The following ETNK1 variants were observed in gnomAD, a reference collection of about 807,000 sequenced individuals.
ETNK1 encodes the protein ethanolamine kinase 1.
ETNK1 carries 8 observed loss-of-function variants against 45.1 expected under a neutral mutation model. The observed-to-expected ratio is 0.18, with a 90% confidence interval of 0.10 to 0.32. The LOEUF is 0.32. Among genes scored for constraint, ETNK1 ranks in the 10% least tolerant of loss-of-function variants. The probability of loss-of-function intolerance (pLI) is 1.00; values close to 1 mark genes in which losing one functional copy is unlikely to be tolerated. For missense variants in ETNK1, 302 were observed against 430.6 expected (o/e 0.70, Z 2.64); for synonymous variants, 152 against 151.9 (o/e 1.00, Z -0.01).
intron 1 of ETNK1, among the ~76,000 whole-genome samples, chr12:22,628,931 A>G (rs1364136254): frequency 6.6e-6 from 1 of 152,142 alleles, no homozygotes; most frequent in Non-Finnish European, 1.5e-5. Flanking sequence ...AGTGTGTTAC[A>G]GTGCTCAAGA....
chr12:22,656,850 T>G, intron 2 of ETNK1: 1 of 946,976 alleles, frequency 1.1e-6, no homozygotes. Flanking sequence ...AATCATCTGT[T>G]TCATTTCAGT....
chr12:22,674,185 C>G (rs1954138343), intron 6 of ETNK1, among the ~76,000 whole-genome samples: 1 of 152,004 alleles, frequency 6.6e-6, no homozygotes, highest in East Asian at 1.9e-4. Flanking sequence ...TTATTAAGAC[C>G]TACTTCTCTT....
At chr12:22,655,656 A>G (rs963567403) in intron 2 of ETNK1, among the ~76,000 whole-genome samples, 2 of 148,722 alleles carry the variant, frequency 1.3e-5, no homozygotes, top group African/African-American at 4.9e-5. Context: ...TTTGTATATG[A>G]ATCTGTATGT....
At chr12:22,673,975 A>C (rs1460261811) in intron 6 of ETNK1, among the ~76,000 whole-genome samples, 1 of 152,158 alleles carries the variant, frequency 6.6e-6, no homozygotes, top group Non-Finnish European at 1.5e-5. Flanking sequence ...TTCTTAGTCT[A>C]TTCCTTTCTT....
At chr12:22,658,953 C>G in intron 2 of ETNK1, 61 bp from the exon 3 acceptor site, 1 of 1,518,754 alleles carries the variant, frequency 6.6e-7, no homozygotes, top group South Asian at 1.2e-5. Flanking sequence ...GAATCTTTGT[C>G]AGGAGACATG....
chr12:22,640,991 A>G (rs1024766559), intron 1 of ETNK1, among the ~76,000 whole-genome samples: 3 of 152,184 alleles, frequency 2.0e-5, no homozygotes, highest in Non-Finnish European at 4.4e-5. Flanking sequence ...GTATTTTAAT[A>G]GTATATTTTA....
At chr12:22,632,221 G>A (rs995562293) in intron 1 of ETNK1, among the ~76,000 whole-genome samples, 97 of 151,828 alleles carry the variant, frequency 6.4e-4, no homozygotes, top group African/African-American at 2.1e-3. Context: ...TTACTAAAAG[G>A]TTGTACCACA....
chr12:22,671,263 C>T lies in ETNK1; in HGVS notation c.701-9C>T, dbSNP rs1450273704. ...TTTCTTAATGTCTTTGTTTTTGTGT[C>T]TCACATAGGTGATGTACAGTTCATT... On this transcript the variant is annotated splice_polypyrimidine_tract_variant and intron_variant, in intron 4 of 7. Transcript: ENST00000266517. 6.4e-7 allele frequency: 1 copy of T among 1,572,718 alleles called. No homozygotes were observed.
intron 6 of ETNK1, among the ~76,000 whole-genome samples, chr12:22,679,909 TTCGAACTCC>T (rs1441115449): frequency 2.0e-5 from 3 of 152,022 alleles, no homozygotes; most frequent in Non-Finnish European, 4.4e-5. Context: ...CTAGGCTGGT[TTCGAACTCC>T]TGACCTCAAA....
Position 22,625,239 on chromosome 12 carries a change from GCTGT to G in ETNK1, c.-190_-187del. The G allele has an allele frequency of 6.2e-7, 1 of 1,612,030 alleles. No homozygotes were observed. Among genetic ancestry groups the G allele is most frequent in the Non-Finnish European group, 8.5e-7 (1 of 1,179,568 alleles). Reference sequence around the variant, plus strand: ...AGAGCGGGCCGGGCTCAGTTCAGCTGCTGTCCAGACCCGGATCGGCAACAGTGCC... The same window carrying G: ...AGAGCGGGCCGGGCTCAGTTCAGCTGCCAGACCCGGATCGGCAACAGTGCC... On this transcript the variant is annotated 5_prime_UTR_variant, in exon 1 of 8. Transcript: ENST00000266517.
At chr12:22,664,524 A>G (rs1050164067) in intron 4 of ETNK1, among the ~76,000 whole-genome samples, 1 of 152,112 alleles carries the variant, frequency 6.6e-6, no homozygotes. Flanking sequence ...GCATTTTTAC[A>G]TGTGAATGTT....
At chr12:22,635,819 C>T (rs945998195) in intron 1 of ETNK1, among the ~76,000 whole-genome samples, 1 of 152,096 alleles carries the variant, frequency 6.6e-6, no homozygotes, top group African/African-American at 2.4e-5. Flanking sequence ...AAGTGATTTT[C>T]ATCCTTTGAT....
chr12:22,631,822 A>G (rs1347891699), intron 1 of ETNK1, among the ~76,000 whole-genome samples: 1 of 152,128 alleles, frequency 6.6e-6, no homozygotes, highest in Non-Finnish European at 1.5e-5. Context: ...CAGAGGTTCT[A>G]TTTCTCTTTA....
chr12:22,660,204 T>C (rs917099920), intron 3 of ETNK1, among the ~76,000 whole-genome samples: 1 of 152,088 alleles, frequency 6.6e-6, no homozygotes, highest in African/African-American at 2.4e-5. Flanking sequence ...AAAGAATCTG[T>C]ATTATACTGT....
chr12:22,669,748 T>C (rs986070812), intron 4 of ETNK1, among the ~76,000 whole-genome samples: 1 of 152,034 alleles, frequency 6.6e-6, no homozygotes, highest in African/African-American at 2.4e-5. Context: ...GGCAGGAGGA[T>C]CACTTCAGGC....
At chr12:22,638,022 C>CTATT (rs921906522) in intron 1 of ETNK1, among the ~76,000 whole-genome samples, 9 of 151,114 alleles carry the variant, frequency 6.0e-5, no homozygotes, top group African/African-American at 2.2e-4. Context: ...AGGGGGAGGT[C>CTATT]TATTGTTGAT....
chr12:22,654,726 A>ATTC lies in ETNK1; in HGVS notation c.417-4286_417-4285insCTT, dbSNP rs1373099773. Among the ~76,000 whole-genome samples, 13 of 152,296 alleles carry ATTC rather than the reference A, an allele frequency of 8.5e-5. 1 individual carries two copies. The East Asian group carries it at 2.5e-3, about 29-fold the overall frequency. On this transcript the variant is annotated intron_variant, in intron 2 of 7. Transcript: ENST00000266517. The stretch of plus-strand genomic sequence containing the variant: ...TAATAAAGCAATCTTTATTATTATT[A>ATTC]TTGCTATTCTATTTTGAATTGTATA...
chr12:22,656,377 A>T (rs1953940893), intron 2 of ETNK1: 1 of 983,970 alleles, frequency 1.0e-6, no homozygotes, highest in Non-Finnish European at 1.2e-6. Context: ...TATCCGTGTG[A>T]TGTGCAGGGC....
chr12:22,640,536 T>G (rs1953722976), intron 1 of ETNK1, among the ~76,000 whole-genome samples: 2 of 152,170 alleles, frequency 1.3e-5, no homozygotes, highest in South Asian at 4.1e-4. Context: ...TATTTTAGTC[T>G]TAATTATTAT....
Sources: allele counts gnomAD v4.1 joint callset (sites outside exome capture counted in the v4.1 genomes callset), GRCh38; gene constraint gnomAD v4.1.1; transcripts MANE v1.5; gene names NCBI Gene and HGNC (gene_info 2026-07-23, HGNC 2026-07-21).